The following MCTP1 variants were observed in gnomAD, a reference collection of about 807,000 sequenced individuals.
MCTP1 encodes multiple C2 and transmembrane domain containing 1.
A neutral mutation model predicts 120.6 loss-of-function variants in MCTP1; 69 were observed. The observed-to-expected ratio is 0.57, with a 90% CI of 0.47 to 0.70. The LOEUF is 0.70. MCTP1 is among the 30% of genes least tolerant of loss of function. The pLI, the probability that MCTP1 is intolerant of heterozygous loss-of-function variation, is 0.00. For missense variants in MCTP1, 1,203 were observed against 1,248.8 expected (o/e 0.96, Z 0.55); for synonymous variants, 529 against 493.1 (o/e 1.07, Z -0.96).
At chr5:94,895,149 G>A (rs1222449136) in intron 10 of MCTP1, among the ~76,000 whole-genome samples, 2 of 152,104 alleles carry the variant, frequency 1.3e-5, no homozygotes, top group African/African-American at 4.8e-5. Flanking sequence ...GGTCACTGGG[G>A]CTTTGCTTAT....
At position 95,284,051 on chromosome 5, in the gene MCTP1, C is replaced by G. The variant is rs1399482576; in HGVS notation, c.525G>C (p.Arg175Ser). ...CACCCTCATCTCGGGCGCGGTCCCC[C>G]CTCGGGGGAGGCTGGGGCGAGGAGG... ...SLSSSPQPPP[R>S]GDRARDEGAR... The change falls in exon 1 of 23, where the codon AGG becomes AGC. Residue 175 changes from arginine to serine, a missense_variant. Coordinates refer to ENST00000515393, the MANE Select transcript of MCTP1 (RefSeq NM_024717.7). This position sits in a 1 kb window ranked among gnomAD's most constrained non-coding sequence, Gnocchi z 5.2. The G allele has an allele frequency of 6.5e-7, 1 of 1,533,672 alleles. No individual in the cohort carries two copies.
chr5:95,187,816 G>A (rs527622570), intron 1 of MCTP1, among the ~76,000 whole-genome samples: 2 of 152,112 alleles, frequency 1.3e-5, no homozygotes, highest in East Asian at 1.9e-4. Flanking sequence ...AGCACAACAG[G>A]GTGACTATAG....
At chr5:95,111,164 T>TA (rs1757421047) in intron 1 of MCTP1, among the ~76,000 whole-genome samples, 1 of 152,206 alleles carries the variant, frequency 6.6e-6, no homozygotes, top group African/African-American at 2.4e-5. Context: ...ATGCAAAAGT[T>TA]ATAAATCTCC....
intron 1 of MCTP1, among the ~76,000 whole-genome samples, chr5:95,178,107 C>T (rs1748216482): frequency 6.6e-6 from 1 of 152,142 alleles, no homozygotes; most frequent in South Asian, 2.1e-4. Flanking sequence ...ACCTGTGTGA[C>T]TCAGCAAAGG....
intron 1 of MCTP1, among the ~76,000 whole-genome samples, chr5:95,104,419 T>C (rs556517878): frequency 2.3e-4 from 35 of 152,270 alleles, no homozygotes; most frequent in African/African-American, 7.9e-4. Context: ...AAAAGGGAAA[T>C]CCACAGTAAA....
intron 1 of MCTP1, chr5:95,068,935 G>T: frequency 2.3e-6 from 1 of 430,998 alleles, no homozygotes. Context: ...TTAGTTCCAG[G>T]GGAAGATTGT....
In MCTP1 at chr5:94,789,544, A is replaced by AT. The variant is rs1231793269; in HGVS notation, c.2556+9468dup. 3 of 152,222 alleles carry AT rather than the reference A, an allele frequency of 2.0e-5. No individual in the cohort carries two copies. In the South Asian group the frequency reaches 6.2e-4, roughly 31 times the overall value. 9.4% of individuals were successfully genotyped at this position (152,222 alleles called of 1,614,324 possible). A position where few individuals can be genotyped will look rare whatever the true frequency, so the allele number is the denominator to read the frequency against. ...AACTCAAAAAGTATTAAAACCAAAC[A>AT]TGGAGTTACTAAGTGAAAGCAACAG... On this transcript the variant is annotated intron_variant, in intron 18 of 22. Coordinates refer to ENST00000515393, the MANE Select transcript of MCTP1 (RefSeq NM_024717.7).
At chr5:94,950,189 T>C (rs2153526506) in intron 3 of MCTP1, among the ~76,000 whole-genome samples, 1 of 152,274 alleles carries the variant, frequency 6.6e-6, no homozygotes, top group East Asian at 1.9e-4. Flanking sequence ...TTTATATGTG[T>C]ACTAGTATCT....
intron 1 of MCTP1, among the ~76,000 whole-genome samples, chr5:95,063,402 G>A (rs1008935783): frequency 3.3e-5 from 5 of 152,120 alleles, no homozygotes; most frequent in Non-Finnish European, 5.9e-5. Context: ...TGGTGGTGAC[G>A]TGACTATTTT....
chr5:95,156,954 TAG>T (rs757247220), intron 1 of MCTP1, among the ~76,000 whole-genome samples: 2 of 152,064 alleles, frequency 1.3e-5, no homozygotes, highest in Non-Finnish European at 2.9e-5. Context: ...ATCTTATGAG[TAG>T]AGAGAGAGTC....
chr5:94,797,591 A>T lies in MCTP1; in HGVS notation c.2556+1422T>A, dbSNP rs547844404. Among the ~76,000 whole-genome samples the T allele has an allele frequency of 1.0e-3, 156 of 152,298 alleles. 1 individual carries two copies. The highest frequency in any genetic ancestry group is 3.7e-3 in the African/African-American group (152 of 41,566). The stretch of plus-strand genomic sequence containing the variant: ...ATATATATCCATAAAATCCTTGCCA[A>T]TAATACTAATAACGTCTTGTCTATT... On this transcript the variant is annotated intron_variant, in intron 18 of 22. Transcript: ENST00000515393.
At chr5:95,126,536 T>C (rs1178754671) in intron 1 of MCTP1, among the ~76,000 whole-genome samples, 1 of 152,196 alleles carries the variant, frequency 6.6e-6, no homozygotes, top group Non-Finnish European at 1.5e-5. Context: ...CAAAATCAGT[T>C]TTTTTAGACG....
chr5:94,714,115 A>G (rs1002733076), intron 20 of MCTP1, among the ~76,000 whole-genome samples: 2 of 152,188 alleles, frequency 1.3e-5, no homozygotes, highest in African/African-American at 4.8e-5. Flanking sequence ...TAGTTTAGAT[A>G]AAACACATAC....
At chr5:94,939,485 C>T (rs1817025603) in intron 5 of MCTP1, among the ~76,000 whole-genome samples, 1 of 151,988 alleles carries the variant, frequency 6.6e-6, no homozygotes, top group Non-Finnish European at 1.5e-5. Context: ...TTTAATGCCA[C>T]TTCAACTGTG....
chr5:94,868,702 GA>G (rs900671936), intron 16 of MCTP1, among the ~76,000 whole-genome samples: 4 of 150,842 alleles, frequency 2.7e-5, no homozygotes, highest in African/African-American at 4.9e-5. Context: ...TTGCTCACAA[GA>G]AAAAAAAATT....
At chr5:95,037,267 T>G (rs1460072387) in intron 1 of MCTP1, among the ~76,000 whole-genome samples, 1 of 152,234 alleles carries the variant, frequency 6.6e-6, no homozygotes, top group Admixed American at 6.5e-5. Flanking sequence ...AAATATTTCT[T>G]TAACTGTTCA....
chr5:94,845,105 A>G lies in MCTP1; in HGVS notation c.2436+23228T>C, dbSNP rs113294690. On this transcript the variant is annotated intron_variant, in intron 17 of 22. Coordinates refer to ENST00000515393, the MANE Select transcript of MCTP1 (RefSeq NM_024717.7). Reference sequence around the variant, plus strand: ...ACAAAAGATCGAATATCCAGAATCTATAAGGAACTTAAATATATAAGCAAA... The same window carrying G: ...ACAAAAGATCGAATATCCAGAATCTGTAAGGAACTTAAATATATAAGCAAA... 9.3e-3 allele frequency among the ~76,000 whole-genome samples: 1,417 copies of G among 152,354 alleles called. 22 individuals carry two copies. The highest frequency in any genetic ancestry group is 0.033 in the African/African-American group (1,361 of 41,576).
At chr5:95,104,230 C>G (rs1382595145) in intron 1 of MCTP1, among the ~76,000 whole-genome samples, 1 of 152,148 alleles carries the variant, frequency 6.6e-6, no homozygotes, top group Non-Finnish European at 1.5e-5. Flanking sequence ...ACTAATGGGA[C>G]CTGAACTTAA....
intron 1 of MCTP1, among the ~76,000 whole-genome samples, chr5:95,032,665 T>C (rs1363279599): frequency 6.6e-6 from 1 of 151,820 alleles, no homozygotes; most frequent in African/African-American, 2.4e-5. Flanking sequence ...CAACCTAACA[T>C]GACACCCAAA....
Sources: gnomAD v4.1 joint callset for allele counts (sites outside exome capture counted in the v4.1 genomes callset) on GRCh38, gnomAD v4.1.1 for gene constraint, Gnocchi (gnomAD v3.1) non-coding constraint, MANE v1.5 for transcripts, NCBI Gene and HGNC (gene_info 2026-07-23, HGNC 2026-07-21) for gene names.